The following ASAP2 variants were observed in gnomAD, a reference collection of about 807,000 sequenced individuals.
ASAP2 encodes ArfGAP with SH3 domain, ankyrin repeat and PH domain 2.
Under a neutral mutation model 131.4 loss-of-function variants are expected in ASAP2, and 45 were observed. That is an observed-to-expected ratio of 0.34 (90% confidence interval 0.27 to 0.44). ASAP2 has a LOEUF of 0.44. Among genes scored for constraint, ASAP2 ranks in the 20% least tolerant of loss-of-function variants. ASAP2 has a pLI of 1.00. For missense variants in ASAP2, 1,011 were observed against 1,297.0 expected, an observed-to-expected ratio of 0.78 and a Z score of 3.39; for synonymous variants, 510 against 503.0, an observed-to-expected ratio of 1.01 and a Z score of -0.19.
At position 9,341,597 on chromosome 2, in the gene ASAP2, G is replaced by A. The variant is rs528711160; in HGVS notation, c.850-2935G>A. Among the ~76,000 whole-genome samples the A allele has an allele frequency of 2.0e-5, 3 of 152,256 alleles. No homozygotes were observed. In the East Asian group the frequency reaches 5.8e-4, roughly 29 times the overall value. On this transcript the variant is annotated intron_variant, in intron 9 of 27. Coordinates refer to ENST00000281419, the MANE Select transcript of ASAP2 (RefSeq NM_003887.3). ...ATGATTTCACCACTTACTTTGTGCA[G>A]GGCTTTTTTTCTCCCCCAAATCAAT...
intron 5 of ASAP2, 130 bp downstream of exon 5, chr2:9,320,467 C>T: frequency 1.5e-6 from 1 of 671,830 alleles, no homozygotes; most frequent in Non-Finnish European, 2.5e-6. Context: ...AGCCATGTTG[C>T]TGTGGTTCAT....
At chr2:9,314,015 GCT>G (rs2148472277) in intron 3 of ASAP2, among the ~76,000 whole-genome samples, 1 of 152,158 alleles carries the variant, frequency 6.6e-6, no homozygotes, top group Non-Finnish European at 1.5e-5. Context: ...CAAAAGTCTC[GCT>G]CTGTTACCTA....
intron 2 of ASAP2, among the ~76,000 whole-genome samples, chr2:9,293,119 C>T (rs1667922194): frequency 6.6e-6 from 1 of 152,192 alleles, no homozygotes; most frequent in African/African-American, 2.4e-5. Context: ...ATCCAGTAAA[C>T]TAAAAAGCAC....
rs1158716774 is a variant in ASAP2 at position 9,279,566 on chromosome 2, G to C, written c.199+177G>C. ...TTCAGAAGTATGTTTTGTTTTGCCA[G>C]TCGTCTGATTCAGGTGTGGGATTTC... is the stretch of plus-strand genomic sequence containing the variant. On this transcript the variant is annotated intron_variant, in intron 2 of 27. Coordinates refer to ENST00000281419, the MANE Select transcript of ASAP2 (RefSeq NM_003887.3). Among the ~76,000 whole-genome samples the C allele has an allele frequency of 3.9e-5, 6 of 152,190 alleles. No individual in the cohort carries two copies. The East Asian group carries it at 1.2e-3, about 29-fold the overall frequency.
In ASAP2 at chr2:9,348,430, T is replaced by C. The variant is rs555034753; in HGVS notation, c.1024-2378T>C. On this transcript the variant is annotated intron_variant, in intron 11 of 27. Transcript: ENST00000281419. ...GTGAGCTACTGCGCCCAGGTGACAC[T>C]GTATTTTTCCAAATTGCAACAGGGA... Among the ~76,000 whole-genome samples, 22 of 152,342 alleles carry C rather than the reference T, an allele frequency of 1.4e-4. No individual in the cohort carries two copies. In the East Asian group the frequency reaches 3.9e-3, roughly 27 times the overall value.
intron 22 of ASAP2, 152 bp downstream of exon 22, chr2:9,388,698 T>C: frequency 8.3e-7 from 1 of 1,203,260 alleles, no homozygotes; most frequent in African/African-American, 1.6e-5. Context: ...ATTCCATCAT[T>C]CTTATCAGGC....
chr2:9,368,147 A>G (rs1243388567), intron 15 of ASAP2, among the ~76,000 whole-genome samples: 3 of 152,206 alleles, frequency 2.0e-5, no homozygotes, highest in Non-Finnish European at 2.9e-5. Context: ...ATGGAAATTC[A>G]CATTGGACCA....
rs1039314524 is a variant in ASAP2, at chr2:9,309,302, A to C, written c.346-9222A>C. Among the ~76,000 whole-genome samples the C allele has an allele frequency of 9.2e-5, 14 of 152,324 alleles. No individual in the cohort carries two copies. The South Asian group carries it at 2.7e-3, about 29-fold the overall frequency. On this transcript the variant is annotated intron_variant, in intron 3 of 27. Coordinates refer to ENST00000281419, the MANE Select transcript of ASAP2 (RefSeq NM_003887.3). ...AGTGCTGGCCAAGAAAAAGAAGTGA[A>C]CTACTGGTACACGCAACTACATGAA...
chr2:9,403,350 AAC>A lies in ASAP2; in HGVS notation c.*25_*26del. On this transcript the variant is annotated 3_prime_UTR_variant, in exon 28 of 28. Coordinates refer to ENST00000281419, the MANE Select transcript of ASAP2 (RefSeq NM_003887.3). ...TGAATTGCTACTGAACAAAAGCATT[AAC>A]AGTTATGTTCCTGTTTCGTTATTGG... The A allele has an allele frequency of 6.2e-7, 1 of 1,610,154 alleles. No individual in the cohort carries two copies. Among genetic ancestry groups the A allele is most frequent in the African/African-American group, 1.3e-5 (1 of 74,982 alleles).
intron 20 of ASAP2, among the ~76,000 whole-genome samples, chr2:9,382,880 C>G (rs1220012840): frequency 6.6e-6 from 1 of 152,184 alleles, no homozygotes; most frequent in African/African-American, 2.4e-5. Context: ...ATTCATGAGA[C>G]AGTGTGATTG....
chr2:9,368,569 G>A (rs1420619917), intron 16 of ASAP2, 50 bp downstream of exon 16: 1 of 1,544,492 alleles, frequency 6.5e-7, no homozygotes, highest in Non-Finnish European at 8.9e-7. Context: ...GTTTGCCTTT[G>A]CCCGAGCCCC....
At chr2:9,249,487 C>T (rs551185220) in intron 1 of ASAP2, among the ~76,000 whole-genome samples, 41 of 152,342 alleles carry the variant, frequency 2.7e-4, no homozygotes, top group Admixed American at 8.5e-4. Flanking sequence ...ACTCTCATGA[C>T]GCCATGCCTG....
rs772980550 is a variant in ASAP2 at position 9,350,862 on chromosome 2, C to G, written c.1078C>G (p.Pro360Ala). Reference protein sequence around the residue: ...NLLTCQVKTNPEEKKCFDLIS... With the variant: ...NLLTCQVKTNAEEKKCFDLIS... ...GCTAACCTGCCAGGTGAAGACCAAC[C>G]CTGAGGAGAAGAAGTGCTTTGACCT... The change falls in exon 12 of 28, where the codon CCT becomes GCT. Residue 360 changes from proline to alanine, a missense_variant. Pro to Ala is a conservative substitution (Grantham distance 27). Around this residue, in one of 2 missense-constraint regions of ASAP2, gnomAD observed 359 missense variants for 598.1 expected, o/e 0.60. Transcript: ENST00000281419. 5.0e-6 allele frequency: 8 copies of G among 1,613,338 alleles called. No homozygotes were observed. The highest frequency in any genetic ancestry group is 6.8e-6 in the Non-Finnish European group (8 of 1,179,620).
chr2:9,362,248 G>C (rs945876005), intron 15 of ASAP2, among the ~76,000 whole-genome samples: 1 of 152,130 alleles, frequency 6.6e-6, no homozygotes, highest in Admixed American at 6.5e-5. Flanking sequence ...ATTGTATAGT[G>C]AGTGTTCATT....
intron 2 of ASAP2, among the ~76,000 whole-genome samples, chr2:9,295,650 G>C (rs1044533763): frequency 6.6e-6 from 1 of 152,192 alleles, no homozygotes; most frequent in South Asian, 2.1e-4. Flanking sequence ...CTGCGTTTGC[G>C]GGTGTGTGTG....
rs764945512 is a variant in ASAP2, at chr2:9,391,228, G to A, written c.2518+32G>A. The A allele has an allele frequency of 2.3e-4, 365 of 1,588,312 alleles. 1 individual carries two copies. Among genetic ancestry groups the A allele is most frequent in the Non-Finnish European group, 3.0e-4 (349 of 1,167,244 alleles). On this transcript the variant is annotated intron_variant, in intron 23 of 27. Transcript: ENST00000281419. ...TTTTTTCCTTTTTCCTTTCTTGCCC[G>A]TGGGCTTTGTAGATCTGGATGGCGG...
At position 9,271,465 on chromosome 2, in the gene ASAP2, G is replaced by A. The variant is rs904699913; in HGVS notation, c.127-7852G>A. 8 of 1,396,194 alleles carry A rather than the reference G, an allele frequency of 5.7e-6. No homozygotes were observed. The Admixed American group carries it at 8.5e-5, about 15-fold the overall frequency. The allele number at this position is 1,396,194 out of a possible 1,614,324, so 86.5% of individuals were successfully genotyped here. A position where few individuals can be genotyped will look rare whatever the true frequency, so the allele number is the denominator to read the frequency against. On this transcript the variant is annotated intron_variant, in intron 1 of 27. Transcript: ENST00000281419. ...AAACGCCTTCACTGGTTTCTTTTTG[G>A]TGTAATCATCAGCGATCCCTTGGAC...
chr2:9,363,315 A>G (rs1673231268), intron 15 of ASAP2, among the ~76,000 whole-genome samples: 1 of 152,214 alleles, frequency 6.6e-6, no homozygotes, highest in Admixed American at 6.5e-5. Flanking sequence ...AATACCCAGA[A>G]GTGGGTTATA....
At chr2:9,356,370 C>T (rs1672703039) in intron 14 of ASAP2, 25 bp downstream of exon 14, 1 of 1,553,418 alleles carries the variant, frequency 6.4e-7, no homozygotes, top group African/African-American at 1.4e-5. Context: ...CCACCCGACC[C>T]TGGGCTCTAG....
Sources: allele counts gnomAD v4.1 joint callset (sites outside exome capture counted in the v4.1 genomes callset), GRCh38; gene constraint gnomAD v4.1.1; regional missense constraint gnomAD v4.1.1; transcripts MANE v1.5; gene names NCBI Gene and HGNC (gene_info 2026-07-23, HGNC 2026-07-21).